CNTN5: variants seen among roughly 807,000 people sequenced by gnomAD.
CNTN5 encodes contactin-5.
CNTN5 carries 77 observed loss-of-function variants against 129.1 expected under a neutral mutation model. The observed-to-expected ratio is 0.60, with a 90% CI of 0.50 to 0.72. The LOEUF is 0.72. CNTN5 is among the 30% of genes least tolerant of loss of function. The pLI, the probability that CNTN5 is intolerant of heterozygous loss-of-function variation, is 0.00. For missense variants in CNTN5, 1,478 were observed against 1,328.8 expected, an observed-to-expected ratio of 1.11 and a Z score of -1.75; for synonymous variants, 509 against 465.6, an observed-to-expected ratio of 1.09 and a Z score of -1.20.
At chr11:99,819,831 T>C (rs1946740591) in intron 4 of CNTN5, 66 bp downstream of exon 4, 4 of 511,034 alleles carry the variant, frequency 7.8e-6, no homozygotes, top group Middle Eastern at 3.4e-4. Flanking sequence ...TTTAATACTG[T>C]TGCAACAGAG....
chr11:99,851,586 A>G (rs1437206596), intron 6 of CNTN5, among the ~76,000 whole-genome samples: 1 of 152,234 alleles, frequency 6.6e-6, no homozygotes, highest in South Asian at 2.1e-4. Flanking sequence ...CATATAATGA[A>G]TCAGGAATAA....
intron 20 of CNTN5, 57 bp from the exon 21 acceptor site, chr11:100,308,302 G>A (rs1010902223): frequency 2.0e-5 from 30 of 1,504,668 alleles, no homozygotes; most frequent in South Asian, 4.9e-5. Context: ...AGACTCAGGC[G>A]CAATACTTTG....
intron 17 of CNTN5, among the ~76,000 whole-genome samples, chr11:100,264,890 A>G (rs1950271795): frequency 6.6e-6 from 1 of 151,936 alleles, no homozygotes; most frequent in Admixed American, 6.6e-5. Flanking sequence ...CCTCACCAAC[A>G]TCTGTTTTTT....
chr11:99,038,544 T>C (rs1863854134), intron 1 of CNTN5, among the ~76,000 whole-genome samples: 1 of 152,122 alleles, frequency 6.6e-6, no homozygotes, highest in Non-Finnish European at 1.5e-5. Flanking sequence ...GCTGTAAAAT[T>C]TAAAATCCAT....
chr11:100,291,899 C>CA (rs199602121), intron 18 of CNTN5, among the ~76,000 whole-genome samples: 3 of 150,784 alleles, frequency 2.0e-5, no homozygotes, highest in Non-Finnish European at 3.0e-5. Context: ...CAAACAACAA[C>CA]AAAAAAAAGG....
At chr11:100,328,069 G>T (rs1240793653) in intron 21 of CNTN5, among the ~76,000 whole-genome samples, 1 of 152,020 alleles carries the variant, frequency 6.6e-6, no homozygotes, top group East Asian at 1.9e-4. Flanking sequence ...CTAACAAGCA[G>T]GCCAGGCATG....
intron 21 of CNTN5, among the ~76,000 whole-genome samples, chr11:100,316,693 C>T (rs538889946): frequency 6.6e-6 from 1 of 152,098 alleles, no homozygotes; most frequent in Non-Finnish European, 1.5e-5. Context: ...ATTCATATTT[C>T]ATATTCTGCC....
intron 13 of CNTN5, among the ~76,000 whole-genome samples, chr11:100,134,145 T>C (rs1164224092): frequency 6.6e-6 from 1 of 152,158 alleles, no homozygotes; most frequent in Non-Finnish European, 1.5e-5. Context: ...CTGCAGGAGA[T>C]AGAGAAGGGC....
At chr11:99,107,755 C>G (rs1358922906) in intron 1 of CNTN5, among the ~76,000 whole-genome samples, 2 of 151,582 alleles carry the variant, frequency 1.3e-5, no homozygotes, top group East Asian at 1.9e-4. Context: ...CATGGTGAAA[C>G]CCCGTCTCTA....
intron 6 of CNTN5, among the ~76,000 whole-genome samples, chr11:99,915,041 T>A (rs1185946379): frequency 6.6e-6 from 1 of 152,082 alleles, no homozygotes; most frequent in Admixed American, 6.6e-5. Context: ...AAATATATTT[T>A]AAAAATCTAT....
intron 3 of CNTN5, among the ~76,000 whole-genome samples, chr11:99,780,061 T>C (rs914955801): frequency 6.6e-6 from 1 of 151,982 alleles, no homozygotes; most frequent in South Asian, 2.1e-4. Context: ...GACATGGATA[T>C]TATATAGAGA....
intron 2 of CNTN5, among the ~76,000 whole-genome samples, chr11:99,544,602 C>A (rs976089689): frequency 2.6e-5 from 4 of 152,068 alleles, no homozygotes; most frequent in African/African-American, 9.7e-5. Flanking sequence ...ATTTAACTAA[C>A]AGAAACAATG....
intron 1 of CNTN5, among the ~76,000 whole-genome samples, chr11:99,172,327 G>T (rs1861184952): frequency 6.6e-6 from 1 of 152,060 alleles, no homozygotes. Context: ...AATATCATTG[G>T]TATACATTTA....
intron 13 of CNTN5, among the ~76,000 whole-genome samples, chr11:100,112,011 G>A (rs1445466473): frequency 6.6e-6 from 1 of 152,146 alleles, no homozygotes; most frequent in African/African-American, 2.4e-5. Flanking sequence ...TACTAGTCAT[G>A]AATCTTCATA....
intron 7 of CNTN5, among the ~76,000 whole-genome samples, chr11:99,917,421 G>A (rs1391539462): frequency 6.6e-6 from 1 of 151,942 alleles, no homozygotes; most frequent in Non-Finnish European, 1.5e-5. Flanking sequence ...ATTACATTTA[G>A]GGAAAGTGTA....
chr11:99,108,095 A>G (rs1291882744), intron 1 of CNTN5, among the ~76,000 whole-genome samples: 1 of 152,204 alleles, frequency 6.6e-6, no homozygotes, highest in Admixed American at 6.5e-5. Context: ...AATATAAGGT[A>G]ATTCCTCAGT....
At chr11:99,294,673 A>G (rs555781264) in intron 1 of CNTN5, among the ~76,000 whole-genome samples, 73 of 152,312 alleles carry the variant, frequency 4.8e-4, no homozygotes, top group African/African-American at 1.7e-3. Context: ...ATATTTCTCC[A>G]TTATCTGCAA....
At chr11:99,746,270 T>G (rs1944053348) in intron 3 of CNTN5, among the ~76,000 whole-genome samples, 1 of 152,204 alleles carries the variant, frequency 6.6e-6, no homozygotes, top group Non-Finnish European at 1.5e-5. Flanking sequence ...TGAGACACAG[T>G]TCTGATTTCA....
chr11:100,242,460 A>T (rs1284489233), intron 16 of CNTN5, among the ~76,000 whole-genome samples: 1 of 152,158 alleles, frequency 6.6e-6, no homozygotes, highest in Non-Finnish European at 1.5e-5. Context: ...AAGTGGTTTA[A>T]TTGGCTCACA....
Sources: gnomAD v4.1 joint callset for allele counts (sites outside exome capture counted in the v4.1 genomes callset) on GRCh38, gnomAD v4.1.1 for gene constraint, MANE v1.5 for transcripts, NCBI Gene and HGNC (gene_info 2026-07-23, HGNC 2026-07-21) for gene names.